The following AKAP10 variants were observed in gnomAD, a reference collection of about 807,000 sequenced individuals.
The protein encoded by AKAP10 is A-kinase anchoring protein 10, also known as A-kinase anchor protein 10, mitochondrial.
Under a neutral mutation model 80.8 loss-of-function variants are expected in AKAP10, and 24 were observed. The ratio of observed to expected loss-of-function variants is 0.30; its 90% CI spans 0.22 to 0.42. AKAP10 has a LOEUF of 0.42. AKAP10 is among the 10% of genes least tolerant of loss of function. The pLI, the probability that AKAP10 is intolerant of heterozygous loss-of-function variation, is 1.00. For synonymous variants in AKAP10, 291 were observed against 277.7 expected (o/e 1.05, Z -0.48); for missense variants, 661 against 794.9 (o/e 0.83, Z 2.03).
chr17:19,946,204 T>TA (rs1567765100), intron 5 of AKAP10, among the ~76,000 whole-genome samples: 34 of 46,260 alleles, frequency 7.3e-4, no homozygotes, highest in South Asian at 2.3e-3. Context: ...ATACATATAT[T>TA]TTATATATAT....
chr17:19,934,340 C>T (rs994493448), intron 9 of AKAP10, among the ~76,000 whole-genome samples: 12 of 152,050 alleles, frequency 7.9e-5, no homozygotes, highest in Admixed American at 2.0e-4. Context: ...GCTAACGTTG[C>T]GGCATAATGC....
chr17:19,951,263 A>C (rs367618416), intron 4 of AKAP10, among the ~76,000 whole-genome samples: 1 of 43,098 alleles, frequency 2.3e-5, no homozygotes, highest in Non-Finnish European at 5.2e-5. Flanking sequence ...CAGCCGCCCC[A>C]TCCGGGAGGG....
At chr17:19,957,197 A>G (rs2043287235) in intron 4 of AKAP10, among the ~76,000 whole-genome samples, 1 of 152,114 alleles carries the variant, frequency 6.6e-6, no homozygotes, top group South Asian at 2.1e-4. Context: ...TTACTGTACA[A>G]CCTAGAGGAA....
intron 9 of AKAP10, 135 bp downstream of exon 9, chr17:19,936,151 G>T (rs2042989962): frequency 2.0e-6 from 2 of 985,420 alleles, no homozygotes; most frequent in Admixed American, 3.0e-5. Flanking sequence ...CAGACTCAAG[G>T]CCTCTGCTCT....
intron 4 of AKAP10, 123 bp from the exon 5 acceptor site, chr17:19,947,628 C>A: frequency 1.3e-6 from 1 of 748,158 alleles, no homozygotes; most frequent in Non-Finnish European, 2.3e-6. Flanking sequence ...ACTTCCATCA[C>A]AAAGGTGCTT....
At position 19,940,961 on chromosome 17, in the gene AKAP10, CA is replaced by C; in HGVS notation, c.1110del (p.Ile370MetfsTer4). ...LRSHHFCKYQ[I>X]EVLTSGTVYL... ...TAAACAGTTCCACTGGTCAGCACTT[CA>C]ATCTGGTATTTACAGAAATGGTGAC... On this transcript the variant is annotated frameshift_variant, in exon 7 of 15. Coordinates refer to ENST00000225737, the MANE Select transcript of AKAP10 (RefSeq NM_007202.4). LOFTEE classifies it high-confidence loss of function. 1 of 1,611,768 alleles carries C rather than the reference CA, an allele frequency of 6.2e-7. No individual in the cohort carries two copies. The highest frequency in any genetic ancestry group is 8.5e-7 in the Non-Finnish European group (1 of 1,179,396).
Position 19,968,468 on chromosome 17 carries a change from C to T in AKAP10, c.89-7G>A, listed in dbSNP as rs778550752. On this transcript the variant is annotated splice_polypyrimidine_tract_variant and splice_region_variant and intron_variant, in intron 1 of 14. Transcript: ENST00000225737. ...TCTTGTTCTTTGCCTTTCACTAGAA[C>T]ATAAAAAGATAATTATGACCAACTT... The T allele has an allele frequency of 1.4e-5, 23 of 1,612,894 alleles. No individual in the cohort carries two copies. In the Admixed American group the frequency reaches 3.3e-4, roughly 23 times the overall value.
In AKAP10 at chr17:19,936,360, T is replaced by C. The variant is rs2042992144; in HGVS notation, c.1393A>G (p.Ile465Val). 1 of 1,613,506 alleles carries C rather than the reference T, an allele frequency of 6.2e-7. No individual in the cohort carries two copies. Among genetic ancestry groups the C allele is most frequent in the South Asian group, 1.1e-5 (1 of 91,058 alleles). Reference protein sequence around the residue: ...DVVRLEIESNICREGGPLPNC... With the variant: ...DVVRLEIESNVCREGGPLPNC... ...GGGAGTGGCCCACCTTCCCTGCAGA[T>C]ATTGGATTCAATTTCTAATCGTACA... The change falls in exon 9 of 15, where the codon ATC (isoleucine) becomes GTC (valine). Residue 465 changes from isoleucine to valine, a missense_variant. Coordinates refer to ENST00000225737, the MANE Select transcript of AKAP10 (RefSeq NM_007202.4).
intron 1 of AKAP10, among the ~76,000 whole-genome samples, chr17:19,976,511 C>T (rs2043568944): frequency 6.6e-6 from 1 of 151,606 alleles, no homozygotes; most frequent in Non-Finnish European, 1.5e-5. Context: ...AAAACAAAAC[C>T]CATTTCTGTC....
intron 1 of AKAP10, 84 bp downstream of exon 1, chr17:19,977,507 CT>C (rs1448002473): frequency 1.2e-5 from 13 of 1,098,078 alleles, no homozygotes; most frequent in Non-Finnish European, 1.5e-5. Flanking sequence ...TTGCTGCCGC[CT>C]TGGGGAAAGC....
intron 12 of AKAP10, among the ~76,000 whole-genome samples, chr17:19,915,171 T>C (rs1318330023): frequency 6.6e-6 from 1 of 152,200 alleles, no homozygotes; most frequent in African/African-American, 2.4e-5. Context: ...CAGACCAATA[T>C]ACAGAGAGGC....
chr17:19,907,310 C>T lies in AKAP10; in HGVS notation c.1984-1078G>A, dbSNP rs528073485. ...CTGGGATTATAGACGTGAGCTACCA[C>T]GCCCGGCCCCCATTTCTGGTATTTT... On this transcript the variant is annotated intron_variant, in intron 14 of 14. Coordinates refer to ENST00000225737, the MANE Select transcript of AKAP10 (RefSeq NM_007202.4). Among the ~76,000 whole-genome samples the T allele has an allele frequency of 3.5e-4, 54 of 152,196 alleles. 1 individual carries two copies. The highest frequency in any genetic ancestry group is 1.1e-3 in the African/African-American group (47 of 41,524).
At chr17:19,947,985 CAA>C (rs35869599) in intron 4 of AKAP10, among the ~76,000 whole-genome samples, 8 of 103,202 alleles carry the variant, frequency 7.8e-5, no homozygotes, top group Non-Finnish European at 6.0e-5. Flanking sequence ...GACTCCGTCT[CAA>C]AAAAAAAAAA....
At chr17:19,911,856 A>G (rs1321602761) in intron 12 of AKAP10, among the ~76,000 whole-genome samples, 4 of 144,000 alleles carry the variant, frequency 2.8e-5, no homozygotes, top group African/African-American at 5.6e-5. Flanking sequence ...AAAAAAAAAA[A>G]AAAAAAAAAA....
intron 4 of AKAP10, among the ~76,000 whole-genome samples, chr17:19,951,740 C>G (rs1487014913): frequency 6.6e-6 from 1 of 151,944 alleles, no homozygotes; most frequent in Admixed American, 6.6e-5. Context: ...CTCAAGTACC[C>G]AGGGACACAA....
chr17:19,946,440 C>T (rs1017408019), intron 5 of AKAP10, among the ~76,000 whole-genome samples: 1 of 147,546 alleles, frequency 6.8e-6, no homozygotes, highest in Admixed American at 6.9e-5. Context: ...CTGGACAAAG[C>T]ACTTAACTTC....
intron 5 of AKAP10, among the ~76,000 whole-genome samples, chr17:19,946,471 T>C (rs1212398266): frequency 6.8e-6 from 1 of 147,824 alleles, no homozygotes; most frequent in African/African-American, 2.5e-5. Flanking sequence ...AGTTTCTTCA[T>C]CTATAAAATA....
At chr17:19,939,947 GC>G (rs1160094902) in intron 7 of AKAP10, 98 bp from the exon 8 acceptor site, 5 of 1,323,108 alleles carry the variant, frequency 3.8e-6, no homozygotes, top group Non-Finnish European at 5.0e-6. Context: ...CAGGTCATAA[GC>G]AAAAAACAAA....
intron 12 of AKAP10, among the ~76,000 whole-genome samples, chr17:19,914,958 C>T (rs2042729629): frequency 6.6e-6 from 1 of 152,150 alleles, no homozygotes; most frequent in Non-Finnish European, 1.5e-5. Context: ...AGCAAAGAGG[C>T]TAGATTTCAT....
Sources: allele counts gnomAD v4.1 joint callset (sites outside exome capture counted in the v4.1 genomes callset), GRCh38; gene constraint gnomAD v4.1.1; transcripts MANE v1.5; gene names NCBI Gene and HGNC (gene_info 2026-07-23, HGNC 2026-07-21).